The following UBAC2 variants were observed in gnomAD, a reference collection of about 807,000 sequenced individuals.
UBAC2 encodes the protein UBA domain containing 2, also known as ubiquitin-associated domain-containing protein 2.
A neutral mutation model predicts 44.0 loss-of-function variants in UBAC2; 26 were observed. The ratio of observed to expected loss-of-function variants is 0.59; its 90% CI spans 0.43 to 0.82. The LOEUF is 0.82. Among genes scored for constraint, UBAC2 ranks in the 40% least tolerant of loss-of-function variants. The pLI, the probability that UBAC2 is intolerant of heterozygous loss-of-function variation, is 0.00. For missense variants in UBAC2, 329 were observed against 419.4 expected (o/e 0.78, Z 1.88); for synonymous variants, 155 against 154.3 (o/e 1.00, Z -0.04).
At chr13:99,296,092 T>A (rs778981015) in intron 4 of UBAC2, 6 of 1,612,936 alleles carry the variant, frequency 3.7e-6, no homozygotes, top group Non-Finnish European at 5.1e-6. Flanking sequence ...CACAGTCATT[T>A]CCCTGAGGAG....
chr13:99,361,093 G>C (rs1421621955), intron 7 of UBAC2, among the ~76,000 whole-genome samples: 1 of 152,070 alleles, frequency 6.6e-6, no homozygotes, highest in Non-Finnish European at 1.5e-5. Flanking sequence ...AACTTTTACT[G>C]CTCCTCGGTT....
chr13:99,241,454 A>C (rs572665772), intron 2 of UBAC2, among the ~76,000 whole-genome samples: 3 of 152,312 alleles, frequency 2.0e-5, no homozygotes, highest in Non-Finnish European at 4.4e-5. Flanking sequence ...CTTTACCATG[A>C]ACCTTGAAAA....
At chr13:99,299,019 C>T (rs1480457981) in intron 4 of UBAC2, among the ~76,000 whole-genome samples, 1 of 151,702 alleles carries the variant, frequency 6.6e-6, no homozygotes, top group African/African-American at 2.4e-5. Flanking sequence ...AAATACATGG[C>T]AGGAAAAAAA....
intron 1 of UBAC2, among the ~76,000 whole-genome samples, chr13:99,228,549 C>T (rs2043137840): frequency 6.6e-6 from 1 of 152,306 alleles, no homozygotes; most frequent in Non-Finnish European, 1.5e-5. Context: ...CCGACTTGGC[C>T]TCTCAAAGTG....
chr13:99,319,556 T>TC (rs1315468485), intron 6 of UBAC2, among the ~76,000 whole-genome samples: 2 of 152,204 alleles, frequency 1.3e-5, no homozygotes, highest in African/African-American at 4.8e-5. Flanking sequence ...ACGCCTTTGT[T>TC]CCCCACAGCT....
chr13:99,226,422 C>T (rs1410119994), intron 1 of UBAC2, among the ~76,000 whole-genome samples: 2 of 152,222 alleles, frequency 1.3e-5, no homozygotes, highest in African/African-American at 4.8e-5. Flanking sequence ...ATCTACACCT[C>T]CACCCTGCTG....
At chr13:99,319,419 C>G (rs867525499) in intron 6 of UBAC2, among the ~76,000 whole-genome samples, 7 of 152,296 alleles carry the variant, frequency 4.6e-5, no homozygotes, top group South Asian at 4.1e-4. Context: ...TTATCACTAT[C>G]CTTGTTTCTT....
intron 4 of UBAC2, among the ~76,000 whole-genome samples, chr13:99,263,494 G>T (rs149299264): frequency 6.6e-6 from 1 of 152,160 alleles, no homozygotes; most frequent in Admixed American, 6.5e-5. Context: ...TGAAAAAGAC[G>T]GACAGTGCAA....
intron 6 of UBAC2, among the ~76,000 whole-genome samples, chr13:99,327,484 C>CTGTGTGTG (rs59174527): frequency 1.3e-5 from 2 of 150,808 alleles, no homozygotes; most frequent in African/African-American, 4.9e-5. Context: ...CTCTCTCTCT[C>CTGTGTGTG]TGTGTGTGTG....
At chr13:99,374,546 G>A (rs1593985599) in intron 8 of UBAC2, among the ~76,000 whole-genome samples, 1 of 152,206 alleles carries the variant, frequency 6.6e-6, no homozygotes, top group East Asian at 1.9e-4. Flanking sequence ...ACTCTTAGCT[G>A]ATAAATAGCA....
At chr13:99,236,839 A>C (rs1454027565) in intron 1 of UBAC2, among the ~76,000 whole-genome samples, 1 of 152,004 alleles carries the variant, frequency 6.6e-6, no homozygotes, top group African/African-American at 2.4e-5. Context: ...GAAAGAGCAA[A>C]ACTCTGTCTC....
At chr13:99,245,808 C>T (rs995872783) in intron 4 of UBAC2, among the ~76,000 whole-genome samples, 1 of 152,000 alleles carries the variant, frequency 6.6e-6, no homozygotes, top group African/African-American at 2.4e-5. Context: ...GCACTTCAGC[C>T]TGGGTGACAG....
rs146896952 is a variant in UBAC2 at position 99,215,548 on chromosome 13, C to T, written c.31+14609C>T. 9 of 1,473,000 alleles carry T rather than the reference C, an allele frequency of 6.1e-6. No individual in the cohort carries two copies. The East Asian group carries it at 1.6e-4, about 26-fold the overall frequency. 91.2% of individuals were successfully genotyped at this position (1,473,000 alleles called of 1,614,324 possible). On this transcript the variant is annotated intron_variant, in intron 1 of 8. Coordinates refer to ENST00000403766, the MANE Select transcript of UBAC2 (RefSeq NM_001144072.2). ...ACCTTTAAGTCTTTTGATGCATTTC[C>T]TGCCAGTTCAAGTCCCTCTGCGGTG...
In UBAC2 at chr13:99,215,271, A is replaced by G. The variant is rs1026991983; in HGVS notation, c.31+14332A>G. 17 of 690,966 alleles carry G rather than the reference A, an allele frequency of 2.5e-5. No homozygotes were observed. In the East Asian group the frequency reaches 3.6e-4, roughly 15 times the overall value. The allele number at this position is 690,966 out of a possible 1,614,324, so 42.8% of individuals were successfully genotyped here. A position where few individuals can be genotyped will look rare whatever the true frequency, so the allele number is the denominator to read the frequency against. ...GCCCAAATAGAATTACAAAAAGACA[A>G]AATTGTGTTTTTCACAGAAATATAG... On this transcript the variant is annotated intron_variant, in intron 1 of 8. Transcript: ENST00000403766.
At chr13:99,270,722 A>T (rs1367510329) in intron 4 of UBAC2, among the ~76,000 whole-genome samples, 1 of 152,234 alleles carries the variant, frequency 6.6e-6, no homozygotes, top group Non-Finnish European at 1.5e-5. Flanking sequence ...TGAACTGTAA[A>T]AGATGATTTT....
intron 4 of UBAC2, among the ~76,000 whole-genome samples, chr13:99,267,885 A>T (rs759577971): frequency 2.4e-4 from 37 of 152,208 alleles, no homozygotes. Context: ...AAGAGCGCAG[A>T]TGTTCATTTC....
intron 4 of UBAC2, among the ~76,000 whole-genome samples, chr13:99,285,317 G>A (rs2044004673): frequency 6.6e-6 from 1 of 151,294 alleles, no homozygotes; most frequent in Non-Finnish European, 1.5e-5. Flanking sequence ...CTTTGGTAGA[G>A]TATTTTTGTA....
chr13:99,256,267 G>T (rs1006703536), intron 4 of UBAC2: 1 of 157,704 alleles, frequency 6.3e-6, no homozygotes, highest in African/African-American at 2.4e-5. Context: ...GAAGACTTGT[G>T]TAGCTGGCTA....
intron 1 of UBAC2, among the ~76,000 whole-genome samples, chr13:99,218,935 G>T (rs1308679952): frequency 6.6e-6 from 1 of 152,148 alleles, no homozygotes; most frequent in Non-Finnish European, 1.5e-5. Flanking sequence ...GGTGTCTCTT[G>T]CAAGGCATGG....
Sources: gnomAD v4.1 joint callset for allele counts (sites outside exome capture counted in the v4.1 genomes callset) on GRCh38, gnomAD v4.1.1 for gene constraint, MANE v1.5 for transcripts, NCBI Gene and HGNC (gene_info 2026-07-23, HGNC 2026-07-21) for gene names.